The following C4orf46 variants were observed in gnomAD, a reference collection of about 807,000 sequenced individuals.
The protein encoded by C4orf46 is chromosome 4 open reading frame 46, also known as renal cancer differentiation gene 1 protein.
A neutral mutation model predicts 9.1 loss-of-function variants in C4orf46; 8 were observed. The observed-to-expected ratio is 0.88, with a 90% CI of 0.52 to 1.59. The LOEUF is 1.59. Among genes scored for constraint, C4orf46 ranks in the 40% most tolerant of loss-of-function variants. The probability of loss-of-function intolerance (pLI) is 0.00; values close to 1 mark genes in which losing one functional copy is unlikely to be tolerated. For synonymous variants in C4orf46, 51 were observed against 58.8 expected (o/e 0.87, Z 0.61); for missense variants, 151 against 139.1 (o/e 1.09, Z -0.43).
Position 158,667,693 on chromosome 4 carries a change from C to A in C4orf46, c.*1920G>T, listed in dbSNP as rs1386741763. Reference sequence around the variant, plus strand: ...TCCAGCCTGAGCAATAGAGTGAGATCTTGTCTCTTAAAAAAAAAAAAAAGA... The same window carrying A: ...TCCAGCCTGAGCAATAGAGTGAGATATTGTCTCTTAAAAAAAAAAAAAAGA... On this transcript the variant is annotated 3_prime_UTR_variant, in exon 2 of 2. Coordinates refer to ENST00000379205, the MANE Select transcript of C4orf46 (RefSeq NM_001008393.4). 1 of 150,008 alleles carries A rather than the reference C, an allele frequency of 6.7e-6. No individual in the cohort carries two copies. Among genetic ancestry groups the A allele is most frequent in the Non-Finnish European group, 1.5e-5 (1 of 67,666 alleles). The allele number at this position is 150,008 out of a possible 1,614,324, so 9.3% of individuals were successfully genotyped here.
At position 158,671,762 on chromosome 4, in the gene C4orf46, G is replaced by A. The variant is rs1392603455; in HGVS notation, c.40C>T (p.Pro14Ser). 3 of 1,562,134 alleles carry A rather than the reference G, an allele frequency of 1.9e-6. No homozygotes were observed. Among genetic ancestry groups the A allele is most frequent in the Non-Finnish European group, 2.6e-6 (3 of 1,153,566 alleles). Residue 14 changes from proline (P) to serine (S), a missense_variant, in exon 1 of 2, where the codon CCG becomes TCG. Coordinates refer to ENST00000379205, the MANE Select transcript of C4orf46 (RefSeq NM_001008393.4). ...GAGGAGGGAGAAGAGGGAGGCGGCG[G>A]GGGCGGCGAAGAAACCTGCAACTCC... ...PEELQVSSPP[P>S]PPPSSPSSSD...
rs1305087324 is a variant in C4orf46, at chr4:158,671,625, C to G, written c.177G>C (p.Gln59His). The G allele has an allele frequency of 1.3e-6, 2 of 1,567,140 alleles. No individual in the cohort carries two copies. Among genetic ancestry groups the G allele is most frequent in the Admixed American group, 1.8e-5 (1 of 55,354 alleles). Residue 59 changes from glutamine (Q) to histidine (H), a missense_variant, in exon 1 of 2, where the codon CAG (glutamine) becomes CAC (histidine). Coordinates refer to ENST00000379205, the MANE Select transcript of C4orf46 (RefSeq NM_001008393.4). ...TVDQLEEVELQIGDAAFSLTK... is the reference protein window; with the variant it reads ...TVDQLEEVELHIGDAAFSLTK... ...CCGACACCACACTCACGTCTCCGAT[C>G]TGCAGCTCCACTTCCTCCAGCTGGT...
Position 158,669,525 on chromosome 4 carries a change from G to A in C4orf46, c.*88C>T, listed in dbSNP as rs1490661011. 2 of 1,332,778 alleles carry A rather than the reference G, an allele frequency of 1.5e-6. No homozygotes were observed. Among genetic ancestry groups the A allele is most frequent in the African/African-American group, 1.5e-5 (1 of 68,406 alleles). The allele number at this position is 1,332,778 out of a possible 1,614,324, so 82.6% of individuals were successfully genotyped here. A position where few individuals can be genotyped will look rare whatever the true frequency, so the allele number is the denominator to read the frequency against. On this transcript the variant is annotated 3_prime_UTR_variant, in exon 2 of 2. Coordinates refer to ENST00000379205, the MANE Select transcript of C4orf46 (RefSeq NM_001008393.4). ...GTATATACAGAACTGCTGGACAGAG[G>A]TCATCCTATATGTGTGGTACATGTA...
rs1773455647 is a variant in C4orf46 at position 158,669,300 on chromosome 4, T to G, written c.*313A>C. Reference sequence around the variant, plus strand: ...CATCTTGTTGCAAAACAAATAATGGTCTACCTAGTTTGCTACTGGTAGCAC... The same window carrying G: ...CATCTTGTTGCAAAACAAATAATGGGCTACCTAGTTTGCTACTGGTAGCAC... On this transcript the variant is annotated 3_prime_UTR_variant, in exon 2 of 2. Transcript: ENST00000379205. The G allele has an allele frequency of 5.3e-6, 1 of 189,544 alleles. No individual in the cohort carries two copies. Among genetic ancestry groups the G allele is most frequent in the Non-Finnish European group, 1.1e-5 (1 of 92,856 alleles). 11.7% of individuals were successfully genotyped at this position (189,544 alleles called of 1,614,324 possible).
Position 158,667,583 on chromosome 4 carries a change from C to T in C4orf46, c.*2030G>A, listed in dbSNP as rs1773412477. The stretch of plus-strand genomic sequence containing the variant: ...AAATGAGCAAAAATGCCTGTAATCC[C>T]AGTGCTTTATAGGAGGAGGCGAGAT... On this transcript the variant is annotated 3_prime_UTR_variant, in exon 2 of 2. Transcript: ENST00000379205. 1 of 151,854 alleles carries T rather than the reference C, an allele frequency of 6.6e-6. No individual in the cohort carries two copies. Among genetic ancestry groups the T allele is most frequent in the Non-Finnish European group, 1.5e-5 (1 of 68,004 alleles). 9.4% of individuals were successfully genotyped at this position (151,854 alleles called of 1,614,324 possible).
At chr4:158,671,296 G>A (rs1358780529) in intron 1 of C4orf46, among the ~76,000 whole-genome samples, 1 of 152,212 alleles carries the variant, frequency 6.6e-6, no homozygotes, top group South Asian at 2.1e-4. Context: ...AGGCAGCGCA[G>A]AGCTGCGTGG....
intron 1 of C4orf46, among the ~76,000 whole-genome samples, chr4:158,670,180 C>T (rs1773490450): frequency 1.3e-5 from 2 of 151,892 alleles, no homozygotes; most frequent in Admixed American, 6.6e-5. Context: ...TGCGCCACCA[C>T]GCACAGCTAA....
In C4orf46 at chr4:158,670,023, C is replaced by CTTTTTTTTTTTTTTTTTTT. The variant is rs767110704; in HGVS notation, c.187-274_187-256dup. Reference sequence around the variant, plus strand: ...TATGACAAATCAGTATAGTTGTTTTCTTTTTTTTTTTTTTTTTTTGAGACG... The same window carrying CTTTTTTTTTTTTTTTTTTT: ...TATGACAAATCAGTATAGTTGTTTTCTTTTTTTTTTTTTTTTTTTTTTTTTTTTTTTTTTTTTTGAGACG... On this transcript the variant is annotated intron_variant, in intron 1 of 1. Transcript: ENST00000379205. Among the ~76,000 whole-genome samples the CTTTTTTTTTTTTTTTTTTT allele has an allele frequency of 3.6e-3, 63 of 17,698 alleles. 3 individuals carry two copies. The highest frequency in any genetic ancestry group is 6.0e-3 in the African/African-American group (54 of 8,996). The allele number at this position is 17,698 out of a possible 152,430, so 11.6% of individuals were successfully genotyped here. A position where few individuals can be genotyped will look rare whatever the true frequency, so the allele number is the denominator to read the frequency against.
In C4orf46 at chr4:158,669,656, T is replaced by A; in HGVS notation, c.299A>T (p.Asp100Val). 1.9e-6 allele frequency: 3 copies of A among 1,613,856 alleles called. No individual in the cohort carries two copies. The highest frequency in any genetic ancestry group is 2.5e-6 in the Non-Finnish European group (3 of 1,179,974). Residue 100 changes from aspartate to valine, a missense_variant, in exon 2 of 2, where the codon GAC becomes GTC. Asp to Val is a radical substitution (Grantham distance 152). Coordinates refer to ENST00000379205, the MANE Select transcript of C4orf46 (RefSeq NM_001008393.4). Reference protein sequence around the residue: ...ENARFLKTWRDLLKEGYDSLK... With the variant: ...ENARFLKTWRVLLKEGYDSLK... Reference sequence around the variant, plus strand: ...AGAATCATAGCCTTCTTTCAAGAGGTCCCGCCACGTTTTAAGGAAACGTGC... The same window carrying A: ...AGAATCATAGCCTTCTTTCAAGAGGACCCGCCACGTTTTAAGGAAACGTGC...
chr4:158,669,888 C>T, intron 1 of C4orf46, 120 bp from the exon 2 acceptor site: 1 of 826,080 alleles, frequency 1.2e-6, no homozygotes, highest in Non-Finnish European at 1.9e-6. Flanking sequence ...TCAAAGTAAT[C>T]AGTTTTCAAA....
In C4orf46 at chr4:158,671,666, T is replaced by A. The variant is rs149785447; in HGVS notation, c.136A>T (p.Ser46Cys). Residue 46 changes from serine to cysteine, a missense_variant, in exon 1 of 2, where the codon AGC becomes TGC. By Grantham distance (112) the Ser-to-Cys change is moderately radical (BLOSUM62 -1). Coordinates refer to ENST00000379205, the MANE Select transcript of C4orf46 (RefSeq NM_001008393.4). Reference protein sequence around the residue: ...SLGWPVPSRSSGPTVDQLEEV... With the variant: ...SLGWPVPSRSCGPTVDQLEEV... ...TCCAGCTGGTCCACCGTTGGGCCGC[T>A]GCTCCTGCTCGGAACTGGCCAGCCC... 3 of 1,604,712 alleles carry A rather than the reference T, an allele frequency of 1.9e-6. No individual in the cohort carries two copies. In the East Asian group the frequency reaches 6.8e-5, roughly 36 times the overall value.
chr4:158,670,483 A>G (rs1175338679), intron 1 of C4orf46, among the ~76,000 whole-genome samples: 1 of 152,192 alleles, frequency 6.6e-6, no homozygotes, highest in Non-Finnish European at 1.5e-5. Context: ...CACTTTAAAC[A>G]ATGAAAATGT....
chr4:158,671,592 A>G, intron 1 of C4orf46, 24 bp downstream of exon 1: 4 of 1,456,016 alleles, frequency 2.7e-6, no homozygotes, highest in South Asian at 1.4e-5. Context: ...CCGAGGGGGG[A>G]CGCGGTCCCG....
At chr4:158,671,576 G>A in intron 1 of C4orf46, 40 bp downstream of exon 1, 2 of 1,438,350 alleles carry the variant, frequency 1.4e-6, no homozygotes, top group Non-Finnish European at 9.2e-7. Flanking sequence ...GGTCTTCCCA[G>A]AGGCGCCGAG....
Position 158,668,257 on chromosome 4 carries a change from C to T in C4orf46, c.*1356G>A, listed in dbSNP as rs1374339111. The T allele has an allele frequency of 6.6e-6, 1 of 152,428 alleles. No homozygotes were observed. The highest frequency in any genetic ancestry group is 2.4e-5 in the African/African-American group (1 of 41,384). 9.4% of individuals were successfully genotyped at this position (152,428 alleles called of 1,614,324 possible). On this transcript the variant is annotated 3_prime_UTR_variant, in exon 2 of 2. Coordinates refer to ENST00000379205, the MANE Select transcript of C4orf46 (RefSeq NM_001008393.4). Reference sequence around the variant, plus strand: ...TTATTTTTACACATTTTAAAAATTGCAATTTTCAGGAGATGTAAGAAGAAT... The same window carrying T: ...TTATTTTTACACATTTTAAAAATTGTAATTTTCAGGAGATGTAAGAAGAAT...
intron 1 of C4orf46, among the ~76,000 whole-genome samples, chr4:158,670,028 T>TTTTTC (rs1773483193): frequency 1.8e-5 from 2 of 113,142 alleles, no homozygotes; most frequent in African/African-American, 7.0e-5. Flanking sequence ...GTTTTCTTTT[T>TTTTTC]TTTTTTTTTT....
In C4orf46 at chr4:158,671,668, C is replaced by A. The variant is rs145770834; in HGVS notation, c.134G>T (p.Ser45Ile). 1.2e-6 allele frequency: 2 copies of A among 1,608,880 alleles called. No individual in the cohort carries two copies. Among genetic ancestry groups the A allele is most frequent in the African/African-American group, 2.7e-5 (2 of 74,676 alleles). The change falls in exon 1 of 2, where the codon AGC (serine) becomes ATC (isoleucine). Residue 45 changes from serine (S) to isoleucine (I), a missense_variant. Physicochemically the swap from Ser to Ile is moderately radical, Grantham distance 142 (BLOSUM62 -2). Coordinates refer to ENST00000379205, the MANE Select transcript of C4orf46 (RefSeq NM_001008393.4). The part of the protein sequence containing the change: ...VSLGWPVPSR[S>I]SGPTVDQLEE... ...CAGCTGGTCCACCGTTGGGCCGCTGCTCCTGCTCGGAACTGGCCAGCCCAA... is the reference window on the plus strand; with the variant it reads ...CAGCTGGTCCACCGTTGGGCCGCTGATCCTGCTCGGAACTGGCCAGCCCAA...
In C4orf46 at chr4:158,671,691, C is replaced by G. The variant is rs146620946; in HGVS notation, c.111G>C (p.Leu37Phe). 3 of 1,612,248 alleles carry G rather than the reference C, an allele frequency of 1.9e-6. No individual in the cohort carries two copies. Among genetic ancestry groups the G allele is most frequent in the Non-Finnish European group, 2.5e-6 (3 of 1,179,290 alleles). ...TGCTCCTGCTCGGAACTGGCCAGCC[C>G]AAACTCACTGGGCCGCCCGGGGAAG... ...AASSPGGPVS[L>F]GWPVPSRSSG... Residue 37 changes from leucine to phenylalanine, a missense_variant, in exon 1 of 2, where the codon TTG (leucine) becomes TTC (phenylalanine). Coordinates refer to ENST00000379205, the MANE Select transcript of C4orf46 (RefSeq NM_001008393.4).
rs759787177 is a variant in C4orf46, at chr4:158,669,744, G to T, written c.211C>A (p.Leu71Ile). 3.7e-6 allele frequency: 6 copies of T among 1,604,224 alleles called. No homozygotes were observed. In the Admixed American group the frequency reaches 6.8e-5, roughly 18 times the overall value. The change falls in exon 2 of 2, where the codon CTT becomes ATT. Residue 71 changes from leucine to isoleucine, a missense_variant. Transcript: ENST00000379205. ...GDAAFSLTKL[L>I]EATSAVSAQV... ...GCTGATACTGCAGATGTGGCTTCAA[G>T]AAGTTTGGTTAATGAAAAGGCTGCC...
Sources: gnomAD v4.1 joint callset for allele counts (sites outside exome capture counted in the v4.1 genomes callset) on GRCh38, gnomAD v4.1.1 for gene constraint, MANE v1.5 for transcripts, NCBI Gene and HGNC (gene_info 2026-07-23, HGNC 2026-07-21) for gene names.